ZNF804A: variants seen among roughly 807,000 people sequenced by gnomAD.
The protein encoded by ZNF804A is zinc finger protein 804A.
In ZNF804A, 2 loss-of-function variants were observed where a neutral mutation model predicts 16.5. The observed-to-expected ratio is 0.12, with a 90% confidence interval of 0.05 to 0.38. ZNF804A has a LOEUF of 0.38. ZNF804A is among the 10% of genes least tolerant of loss of function. The pLI is 0.99. For synonymous variants in ZNF804A, 534 were observed against 489.6 expected, an observed-to-expected ratio of 1.09 and a Z score of -1.20; for missense variants, 1,473 against 1,390.7, an observed-to-expected ratio of 1.06 and a Z score of -0.94.
chr2:184,651,957 A>C (rs1691990817), intron 1 of ZNF804A, among the ~76,000 whole-genome samples: 1 of 152,054 alleles, frequency 6.6e-6, no homozygotes, highest in Admixed American at 6.6e-5. Flanking sequence ...TCCAAAAGAA[A>C]AGTTGTTCTG....
At chr2:184,722,858 G>C (rs1693340000) in intron 1 of ZNF804A, among the ~76,000 whole-genome samples, 1 of 151,932 alleles carries the variant, frequency 6.6e-6, no homozygotes, top group Non-Finnish European at 1.5e-5. Flanking sequence ...GGAGATCATA[G>C]ATGAGTTTTA....
intron 1 of ZNF804A, among the ~76,000 whole-genome samples, chr2:184,672,487 T>C (rs1255314465): frequency 1.3e-5 from 2 of 152,240 alleles, no homozygotes; most frequent in South Asian, 2.1e-4. Context: ...CAGATACATA[T>C]ATCCTAACAA....
At chr2:184,877,660 T>A (rs1181731910) in intron 2 of ZNF804A, among the ~76,000 whole-genome samples, 1 of 152,058 alleles carries the variant, frequency 6.6e-6, no homozygotes, top group Non-Finnish European at 1.5e-5. Context: ...TTTTTAAAAA[T>A]AGCATTCCCA....
chr2:184,686,962 T>G (rs1692646543), intron 1 of ZNF804A, among the ~76,000 whole-genome samples: 1 of 152,238 alleles, frequency 6.6e-6, no homozygotes, highest in Non-Finnish European at 1.5e-5. Context: ...TGTGAATATT[T>G]TCTCTGATTC....
At chr2:184,768,838 A>G (rs1467900715) in intron 1 of ZNF804A, among the ~76,000 whole-genome samples, 1 of 152,102 alleles carries the variant, frequency 6.6e-6, no homozygotes, top group East Asian at 1.9e-4. Context: ...TACAAATTAA[A>G]TGATTCCCAA....
At position 184,938,723 on chromosome 2, in the gene ZNF804A, T is replaced by C. The variant is rs376180864; in HGVS notation, c.3327T>C (p.Ala1109=). 99 of 1,607,726 alleles carry C rather than the reference T, an allele frequency of 6.2e-5. 1 individual carries two copies. The highest frequency in any genetic ancestry group is 1.8e-4 in the South Asian group (16 of 90,932). Residue 1109 remains alanine (A), a synonymous_variant, in exon 4 of 4, where the codon GCT becomes GCC. Transcript: ENST00000302277. ...HHTVLQQHAA[A]AAAAAAAAAA... ...CTGTTTTGCAGCAGCACGCTGCAGC[T>C]GCTGCAGCTGCAGCTGCAGCCGCAG...
chr2:184,872,884 T>TA (rs1392574946), intron 2 of ZNF804A, among the ~76,000 whole-genome samples: 5 of 152,190 alleles, frequency 3.3e-5, no homozygotes, highest in Non-Finnish European at 7.4e-5. Context: ...GTTTTGTTGA[T>TA]ACAGGTATAG....
At chr2:184,871,523 C>T (rs1314457396) in intron 2 of ZNF804A, among the ~76,000 whole-genome samples, 3 of 149,450 alleles carry the variant, frequency 2.0e-5, no homozygotes, top group Non-Finnish European at 4.4e-5. Flanking sequence ...TATATATATA[C>T]CAAGAGAAAA....
At chr2:184,854,647 T>C (rs562356121) in intron 1 of ZNF804A, among the ~76,000 whole-genome samples, 22 of 152,088 alleles carry the variant, frequency 1.4e-4, no homozygotes, top group African/African-American at 5.3e-4. Context: ...CAGAAGAGTA[T>C]GATGTTGGAA....
At chr2:184,810,591 C>T (rs1316446034) in intron 1 of ZNF804A, among the ~76,000 whole-genome samples, 1 of 149,526 alleles carries the variant, frequency 6.7e-6, no homozygotes, top group African/African-American at 2.5e-5. Context: ...CCCAGGTTCA[C>T]GCCATTCTCC....
chr2:184,815,724 G>C (rs1379696581), intron 1 of ZNF804A, among the ~76,000 whole-genome samples: 1 of 151,878 alleles, frequency 6.6e-6, no homozygotes, highest in African/African-American at 2.4e-5. Flanking sequence ...AAGGGGTGCT[G>C]TTATATAAAA....
chr2:184,688,718 A>G (rs1692682666), intron 1 of ZNF804A, among the ~76,000 whole-genome samples: 1 of 152,166 alleles, frequency 6.6e-6, no homozygotes, highest in Non-Finnish European at 1.5e-5. Flanking sequence ...ATGAACAATT[A>G]AAGGAAATAA....
In ZNF804A at chr2:184,853,298, ATT is replaced by A. The variant is rs532735108; in HGVS notation, c.112-13069_112-13068del. 6.6e-5 allele frequency among the ~76,000 whole-genome samples: 10 copies of A among 151,984 alleles called. No homozygotes were observed. The South Asian group carries it at 2.1e-3, about 32-fold the overall frequency. ...ATTGCATATACTACAACTTTAGTGA[ATT>A]TATGTATTAGTTCTAACAGAACTTT... is the stretch of plus-strand genomic sequence containing the variant. On this transcript the variant is annotated intron_variant, in intron 1 of 3. Coordinates refer to ENST00000302277, the MANE Select transcript of ZNF804A (RefSeq NM_194250.2).
At chr2:184,723,438 T>C (rs1693355472) in intron 1 of ZNF804A, among the ~76,000 whole-genome samples, 1 of 151,656 alleles carries the variant, frequency 6.6e-6, no homozygotes. Flanking sequence ...TTAAAACAAG[T>C]ATATTTGGAT....
chr2:184,892,586 G>A (rs1465834910), intron 2 of ZNF804A, among the ~76,000 whole-genome samples: 1 of 144,326 alleles, frequency 6.9e-6, no homozygotes, highest in East Asian at 2.2e-4. Context: ...CAAGGTTCAA[G>A]CGAACCTCCT....
intron 1 of ZNF804A, among the ~76,000 whole-genome samples, chr2:184,688,015 A>G (rs1240700513): frequency 6.6e-6 from 1 of 152,156 alleles, no homozygotes; most frequent in African/African-American, 2.4e-5. Flanking sequence ...GCTACCCAGG[A>G]GGCTGAGACA....
intron 1 of ZNF804A, among the ~76,000 whole-genome samples, chr2:184,709,004 A>T (rs1303870927): frequency 6.6e-6 from 1 of 151,974 alleles, no homozygotes; most frequent in Non-Finnish European, 1.5e-5. Flanking sequence ...CTCCAGTCAC[A>T]TGTCATCTCC....
At chr2:184,629,777 G>T (rs954066045) in intron 1 of ZNF804A, among the ~76,000 whole-genome samples, 6 of 152,106 alleles carry the variant, frequency 3.9e-5, no homozygotes, top group African/African-American at 1.4e-4. Flanking sequence ...GGACTAAATA[G>T]AAAATGTCTT....
intron 2 of ZNF804A, among the ~76,000 whole-genome samples, chr2:184,895,203 T>A (rs2105824327): frequency 1.3e-5 from 2 of 152,072 alleles, no homozygotes; most frequent in South Asian, 4.2e-4. Flanking sequence ...CTCGTGTGTG[T>A]GTGTGTTTGT....
Sources: gnomAD v4.1 joint callset for allele counts (sites outside exome capture counted in the v4.1 genomes callset) on GRCh38, gnomAD v4.1.1 for gene constraint, MANE v1.5 for transcripts, NCBI Gene and HGNC (gene_info 2026-07-23, HGNC 2026-07-21) for gene names.